Variants in PTPRD observed in about 807,000 individuals in gnomAD.
PTPRD encodes protein tyrosine phosphatase receptor type D.
A neutral mutation model predicts 214.5 loss-of-function variants in PTPRD; 34 were observed. The observed-to-expected ratio is 0.16, with a 90% CI of 0.12 to 0.21. The LOEUF is 0.21. Among genes scored for constraint, PTPRD ranks in the 10% least tolerant of loss-of-function variants. PTPRD has a pLI of 1.00. For synonymous variants in PTPRD, 1,128 were observed against 845.7 expected, an observed-to-expected ratio of 1.33 and a Z score of -5.79; for missense variants, 2,545 against 2,398.7, an observed-to-expected ratio of 1.06 and a Z score of -1.27.
chr9:9,159,701 A>C (rs1396171514), intron 10 of PTPRD, among the ~76,000 whole-genome samples: 1 of 152,056 alleles, frequency 6.6e-6, no homozygotes, highest in Non-Finnish European at 1.5e-5. Context: ...GAGATAAAAA[A>C]CCTCCGAAAT....
chr9:9,160,377 G>C (rs1188198464), intron 10 of PTPRD, among the ~76,000 whole-genome samples: 1 of 152,096 alleles, frequency 6.6e-6, no homozygotes, highest in Admixed American at 6.6e-5. Context: ...CAAAGGATTT[G>C]AAAACACATT....
chr9:9,170,960 G>A (rs768538760), intron 10 of PTPRD, among the ~76,000 whole-genome samples: 4 of 152,148 alleles, frequency 2.6e-5, no homozygotes, highest in Non-Finnish European at 5.9e-5. Flanking sequence ...CAAACGAAGT[G>A]AAACTTGATG....
chr9:8,554,044 C>T (rs887838897), intron 14 of PTPRD, among the ~76,000 whole-genome samples: 6 of 152,000 alleles, frequency 3.9e-5, no homozygotes, highest in East Asian at 1.9e-4. Flanking sequence ...AAAAATTAGC[C>T]GGGCGTGGTA....
At chr9:10,249,585 T>G (rs1382353918) in intron 3 of PTPRD, among the ~76,000 whole-genome samples, 1 of 152,216 alleles carries the variant, frequency 6.6e-6, no homozygotes, top group East Asian at 1.9e-4. Context: ...ATCTGAAATT[T>G]TATTTATGAC....
chr9:8,406,693 A>C (rs999055179), intron 35 of PTPRD, among the ~76,000 whole-genome samples: 1 of 152,238 alleles, frequency 6.6e-6, no homozygotes, highest in Non-Finnish European at 1.5e-5. Context: ...TCATAGAGTA[A>C]TTCCTCTATA....
chr9:9,459,942 C>A (rs921724613), intron 8 of PTPRD, among the ~76,000 whole-genome samples: 4 of 152,046 alleles, frequency 2.6e-5, no homozygotes, highest in African/African-American at 9.7e-5. Context: ...TGACTTCAAA[C>A]TATACTTCAA....
chr9:9,495,819 G>A (rs1047634471), intron 8 of PTPRD, among the ~76,000 whole-genome samples: 1 of 152,182 alleles, frequency 6.6e-6, no homozygotes, highest in Non-Finnish European at 1.5e-5. Flanking sequence ...CTCACTGGCA[G>A]AGGGCAGCCA....
chr9:9,046,972 C>A lies in PTPRD; in HGVS notation c.-142-28237G>T, dbSNP rs557013571. 4.6e-5 allele frequency among the ~76,000 whole-genome samples: 7 copies of A among 152,174 alleles called. No individual in the cohort carries two copies. In the South Asian group the frequency reaches 1.5e-3, roughly 32 times the overall value. On this transcript the variant is annotated intron_variant, in intron 10 of 45. Transcript: ENST00000381196. Reference sequence around the variant, plus strand: ...GCATCCAAATTGGAATGGAAAAAGTCAAATAATCCTTGCTTGCAGATGGTA... The same window carrying A: ...GCATCCAAATTGGAATGGAAAAAGTAAAATAATCCTTGCTTGCAGATGGTA...
At chr9:8,406,134 G>T (rs1056290438) in intron 35 of PTPRD, among the ~76,000 whole-genome samples, 6 of 152,104 alleles carry the variant, frequency 3.9e-5, no homozygotes, top group Admixed American at 3.3e-4. Flanking sequence ...ATACCTTAGA[G>T]TCTGAAAACT....
chr9:8,846,551 G>C (rs911529464), intron 11 of PTPRD, among the ~76,000 whole-genome samples: 4 of 152,182 alleles, frequency 2.6e-5, no homozygotes, highest in Non-Finnish European at 5.9e-5. Flanking sequence ...AATTTTCTAG[G>C]AAGAGTTGTC....
intron 4 of PTPRD, among the ~76,000 whole-genome samples, chr9:9,951,512 C>A (rs967160250): frequency 1.3e-5 from 2 of 152,114 alleles, no homozygotes; most frequent in Non-Finnish European, 2.9e-5. Flanking sequence ...AATTTTGAAC[C>A]CCTAAATTCT....
intron 43 of PTPRD, 57 bp downstream of exon 43, chr9:8,338,865 G>GAGAGA (rs1554723226): frequency 6.2e-5 from 94 of 1,505,674 alleles, no homozygotes; most frequent in African/African-American, 3.3e-4. Context: ...GAGAGAGAGA[G>GAGAGA]GTATCTTAGA....
chr9:8,437,359 G>T (rs1343328979), intron 34 of PTPRD: 6 of 747,168 alleles, frequency 8.0e-6, no homozygotes, highest in Non-Finnish European at 1.3e-5. Flanking sequence ...AGTTTTTACA[G>T]AATTCACTAT....
chr9:8,405,767 A>C (rs1045786884), intron 35 of PTPRD, among the ~76,000 whole-genome samples: 12 of 152,130 alleles, frequency 7.9e-5, no homozygotes, highest in Non-Finnish European at 1.5e-4. Context: ...ATACTCTATT[A>C]TGTTAACATA....
intron 3 of PTPRD, among the ~76,000 whole-genome samples, chr9:10,149,785 C>T (rs981607057): frequency 1.8e-4 from 27 of 148,018 alleles, no homozygotes; most frequent in East Asian, 1.2e-3. Context: ...GGCTGGAGTG[C>T]GGTGGTGCAA....
At chr9:9,992,109 C>T (rs1422624767) in intron 4 of PTPRD, among the ~76,000 whole-genome samples, 5 of 152,062 alleles carry the variant, frequency 3.3e-5, no homozygotes, top group South Asian at 4.1e-4. Context: ...GTAGAATGGA[C>T]GAGACTGCTA....
In PTPRD at chr9:9,645,916, A is replaced by G. The variant is rs10977909; in HGVS notation, c.-286-71135T>C. Among the ~76,000 whole-genome samples the G allele has an allele frequency of 8.1e-3, 1,232 of 152,274 alleles. 4 individuals are homozygous for G. The highest frequency in any genetic ancestry group is 0.014 in the Non-Finnish European group (928 of 68,002). On this transcript the variant is annotated intron_variant, in intron 7 of 45. Transcript: ENST00000381196. Reference sequence around the variant, plus strand: ...TTAAATTTATTATTAATTGTTGTGGATACATACTAGTTGTACATATTTTGG... The same window carrying G: ...TTAAATTTATTATTAATTGTTGTGGGTACATACTAGTTGTACATATTTTGG...
chr9:9,984,504 A>G (rs1258990682), intron 4 of PTPRD, among the ~76,000 whole-genome samples: 4 of 152,156 alleles, frequency 2.6e-5, no homozygotes, highest in Admixed American at 6.5e-5. Flanking sequence ...AGCAACATTC[A>G]GAGTGCAGAT....
At chr9:8,355,321 G>GT (rs1352989573) in intron 39 of PTPRD, among the ~76,000 whole-genome samples, 1 of 152,114 alleles carries the variant, frequency 6.6e-6, no homozygotes, top group African/African-American at 2.4e-5. Context: ...GCCAGAACAG[G>GT]TTGTAGGCCA....
Sources: gnomAD v4.1 joint callset for allele counts (sites outside exome capture counted in the v4.1 genomes callset) on GRCh38, gnomAD v4.1.1 for gene constraint, MANE v1.5 for transcripts, NCBI Gene and HGNC (gene_info 2026-07-23, HGNC 2026-07-21) for gene names.